Variants in SLC22A16 observed in about 807,000 individuals in gnomAD.
SLC22A16 encodes the protein solute carrier family 22 member 16.
In SLC22A16, 53 loss-of-function variants were observed where a neutral mutation model predicts 52.9. The ratio of observed to expected loss-of-function variants is 1.00; its 90% confidence interval spans 0.80 to 1.26. The LOEUF (loss-of-function observed/expected upper bound fraction) is 1.26, where lower values mean the gene tolerates loss of function less well. SLC22A16 is among the 50% of genes most tolerant of loss of function. The pLI, the probability that SLC22A16 is intolerant of heterozygous loss-of-function variation, is 0.00. For synonymous variants in SLC22A16, 291 were observed against 268.8 expected (o/e 1.08, Z -0.81); for missense variants, 726 against 704.0 (o/e 1.03, Z -0.35).
At chr6:110,432,451 C>T (rs1466781291) in intron 6 of SLC22A16, among the ~76,000 whole-genome samples, 1 of 152,244 alleles carries the variant, frequency 6.6e-6, no homozygotes, top group African/African-American at 2.4e-5. Context: ...CATGCATTCA[C>T]TCAGCACATG....
In SLC22A16 at chr6:110,437,550, G is replaced by A. The variant is rs9320333; in HGVS notation, c.1311+1170C>T. Among the ~76,000 whole-genome samples the A allele has an allele frequency of 5.8e-3, 888 of 152,258 alleles. 13 individuals carry two copies. Among genetic ancestry groups the A allele is most frequent in the African/African-American group, 0.02 (835 of 41,534 alleles). Reference sequence around the variant, plus strand: ...ACCGATCCTAAGCATTAAGTAAAGTGCTACTATAAAAGGAAGACACTTGTT... The same window carrying A: ...ACCGATCCTAAGCATTAAGTAAAGTACTACTATAAAAGGAAGACACTTGTT... On this transcript the variant is annotated intron_variant, in intron 5 of 7. Coordinates refer to ENST00000368919, the MANE Select transcript of SLC22A16 (RefSeq NM_033125.4).
Position 110,424,900 on chromosome 6 carries a change from G to C in SLC22A16, c.1707C>G (p.Thr569=), listed in dbSNP as rs777400614. 6.9e-5 allele frequency: 111 copies of C among 1,614,016 alleles called. No individual in the cohort carries two copies. Among genetic ancestry groups the C allele is most frequent in the Non-Finnish European group, 8.8e-5 (104 of 1,180,030 alleles). ...ATTCACCAAGACCAGAATCCCTGGG[G>C]GTAATCGCTTCCGTTTTTTCCAGCC... ...NSGLEKTEAI[T]PRDSGLGE Residue 569 remains threonine (T), a synonymous_variant, in exon 8 of 8, where the codon ACC becomes ACG. Transcript: ENST00000368919.
intron 7 of SLC22A16, among the ~76,000 whole-genome samples, chr6:110,426,837 C>T (rs866316949): frequency 2.0e-4 from 30 of 152,048 alleles, no homozygotes; most frequent in Middle Eastern, 3.4e-3. Context: ...GTAATCCCAG[C>T]TACTTGGGAG....
At chr6:110,462,787 C>G (rs1775931315) in intron 1 of SLC22A16, among the ~76,000 whole-genome samples, 1 of 151,924 alleles carries the variant, frequency 6.6e-6, no homozygotes, top group Non-Finnish European at 1.5e-5. Context: ...CTGGGAGATA[C>G]TATAAAAGAT....
intron 1 of SLC22A16, among the ~76,000 whole-genome samples, chr6:110,472,869 G>A (rs899403232): frequency 1.3e-5 from 2 of 152,198 alleles, no homozygotes; most frequent in African/African-American, 4.8e-5. Context: ...CCAGGGAATG[G>A]ACCCATGCAA....
chr6:110,441,313 C>A (rs1239202308), intron 4 of SLC22A16, among the ~76,000 whole-genome samples: 1 of 152,154 alleles, frequency 6.6e-6, no homozygotes, highest in Non-Finnish European at 1.5e-5. Context: ...TCAATGGGTG[C>A]CAAAACAGTT....
rs1774179967 is a variant in SLC22A16, at chr6:110,424,748, A to T, written c.*125T>A. ...TCTTTTATAACATATTTGCTTTAAA[A>T]TTTTCTTACAAAATTTATTAAAAAG... On this transcript the variant is annotated 3_prime_UTR_variant, in exon 8 of 8. Transcript: ENST00000368919. 8.5e-7 allele frequency: 1 copy of T among 1,169,814 alleles called. No homozygotes were observed. Among genetic ancestry groups the T allele is most frequent in the Middle Eastern group, 2.1e-4 (1 of 4,746 alleles). The allele number at this position is 1,169,814 out of a possible 1,614,324, so 72.5% of individuals were successfully genotyped here.
intron 1 of SLC22A16, among the ~76,000 whole-genome samples, chr6:110,474,434 T>G (rs1776386909): frequency 6.6e-6 from 1 of 152,212 alleles, no homozygotes; most frequent in Non-Finnish European, 1.5e-5. Context: ...CTGAGAAAAA[T>G]GTGGTACTGT....
At chr6:110,471,884 C>T (rs1262028370) in intron 1 of SLC22A16, among the ~76,000 whole-genome samples, 2 of 152,180 alleles carry the variant, frequency 1.3e-5, no homozygotes, top group African/African-American at 4.8e-5. Flanking sequence ...TATTCAGCAA[C>T]ACCCCTGCTG....
chr6:110,462,211 T>C (rs1457751593), intron 1 of SLC22A16, among the ~76,000 whole-genome samples: 1 of 152,208 alleles, frequency 6.6e-6, no homozygotes, highest in Middle Eastern at 3.2e-3. Context: ...AGTTAAAAGA[T>C]GAGATTTGGG....
intron 7 of SLC22A16, among the ~76,000 whole-genome samples, chr6:110,429,111 T>C (rs143989732): frequency 1.3e-5 from 2 of 152,278 alleles, no homozygotes; most frequent in Admixed American, 1.3e-4. Flanking sequence ...CTTATTATTT[T>C]AATAAACACT....
At chr6:110,462,186 C>A (rs368606951) in intron 1 of SLC22A16, among the ~76,000 whole-genome samples, 14 of 152,158 alleles carry the variant, frequency 9.2e-5, no homozygotes, top group African/African-American at 2.7e-4. Flanking sequence ...TCCCACAACA[C>A]GTGGGAATTA....
At position 110,442,514 on chromosome 6, in the gene SLC22A16, G is replaced by A; in HGVS notation, c.913C>T (p.Gln305Ter). The A allele has an allele frequency of 6.2e-7, 1 of 1,614,084 alleles. No individual in the cohort carries two copies. Among genetic ancestry groups the A allele is most frequent in the Non-Finnish European group, 8.5e-7 (1 of 1,180,024 alleles). ...LLSEGRYEEAQKIVDIMAKWN... is the reference protein window; with the variant it reads ...LLSEGRYEEA ...TTGGCCATGATGTCAACTATTTTTT[G>A]TGCTTCTTCATATCGTCCCTCTGAG... Residue 305 changes from glutamine to a stop codon, truncating the protein, a stop_gained, in exon 4 of 8, where the codon CAA becomes TAA. Coordinates refer to ENST00000368919, the MANE Select transcript of SLC22A16 (RefSeq NM_033125.4). LOFTEE classifies it high-confidence loss of function.
chr6:110,458,170 C>T (rs539134709), intron 1 of SLC22A16, among the ~76,000 whole-genome samples: 2 of 152,302 alleles, frequency 1.3e-5, no homozygotes, highest in Admixed American at 1.3e-4. Flanking sequence ...TCTCTCCCCG[C>T]CTCGGTTGCC....
At chr6:110,454,844 AAT>A (rs1491494919) in intron 2 of SLC22A16, among the ~76,000 whole-genome samples, 1 of 77,728 alleles carries the variant, frequency 1.3e-5, no homozygotes, top group African/African-American at 5.4e-5. Flanking sequence ...TATATATTAT[AAT>A]ATATATAATA....
At chr6:110,461,135 G>T (rs758265346) in intron 1 of SLC22A16, among the ~76,000 whole-genome samples, 11 of 152,216 alleles carry the variant, frequency 7.2e-5, no homozygotes, top group Non-Finnish European at 1.5e-4. Context: ...TTCAGAAAAG[G>T]CAGGGCCCAT....
At position 110,424,997 on chromosome 6, in the gene SLC22A16, T is replaced by G; in HGVS notation, c.1610A>C (p.Glu537Ala). The change falls in exon 8 of 8, where the codon GAG (glutamate) becomes GCG (alanine). Residue 537 changes from glutamate to alanine, a missense_variant. Transcript: ENST00000368919. ...TLGKRLATTW[E>A]EAAKLESENE... Reference sequence around the variant, plus strand: ...CTCTGACTCCAGTTTTGCAGCCTCCTCCCAAGTAGTTGCTAGCCGTTTCCC... The same window carrying G: ...CTCTGACTCCAGTTTTGCAGCCTCCGCCCAAGTAGTTGCTAGCCGTTTCCC... 1 of 1,614,158 alleles carries G rather than the reference T, an allele frequency of 6.2e-7. No homozygotes were observed. Among genetic ancestry groups the G allele is most frequent in the Non-Finnish European group, 8.5e-7 (1 of 1,180,034 alleles).
rs75065442 is a variant in SLC22A16, at chr6:110,457,774, G to C, written c.54-757C>G. On this transcript the variant is annotated intron_variant, in intron 1 of 7. Transcript: ENST00000368919. ...GGGTAGGGCCACCAGAGGGCTCCTTGATCTAGAGGTAATGCCAGTGTCTGG... is the reference window on the plus strand; with the variant it reads ...GGGTAGGGCCACCAGAGGGCTCCTTCATCTAGAGGTAATGCCAGTGTCTGG... Among the ~76,000 whole-genome samples the C allele has an allele frequency of 8.2e-3, 1,244 of 152,284 alleles. 16 individuals are homozygous for C. Among genetic ancestry groups the C allele is most frequent in the African/African-American group, 0.028 (1,181 of 41,560 alleles).
intron 2 of SLC22A16, among the ~76,000 whole-genome samples, chr6:110,450,809 C>G (rs1775350064): frequency 6.6e-6 from 1 of 151,952 alleles, no homozygotes; most frequent in Non-Finnish European, 1.5e-5. Context: ...AATCAAATGC[C>G]TAGAAATCAC....
Sources: gnomAD v4.1 joint callset for allele counts (sites outside exome capture counted in the v4.1 genomes callset) on GRCh38, gnomAD v4.1.1 for gene constraint, MANE v1.5 for transcripts, NCBI Gene and HGNC (gene_info 2026-07-23, HGNC 2026-07-21) for gene names.